ILDR2: variants seen among roughly 807,000 people sequenced by gnomAD.
ILDR2 encodes the protein immunoglobulin like domain containing receptor 2.
In ILDR2, 25 loss-of-function variants were observed where a neutral mutation model predicts 66.8. The ratio of observed to expected loss-of-function variants is 0.37; its 90% CI spans 0.27 to 0.52. The LOEUF is 0.52. Among genes scored for constraint, ILDR2 ranks in the 20% least tolerant of loss-of-function variants. The pLI, the probability that ILDR2 is intolerant of heterozygous loss-of-function variation, is 0.88. For missense variants in ILDR2, 827 were observed against 876.8 expected, an observed-to-expected ratio of 0.94 and a Z score of 0.72; for synonymous variants, 367 against 357.2, an observed-to-expected ratio of 1.03 and a Z score of -0.31.
chr1:166,970,279 CT>C (rs1663207468), intron 1 of ILDR2, among the ~76,000 whole-genome samples: 1 of 152,114 alleles, frequency 6.6e-6, no homozygotes, highest in East Asian at 1.9e-4. Context: ...AGGAAGAGCT[CT>C]TCCTTTCTAC....
Position 166,916,489 on chromosome 1 carries a change from T to C in ILDR2, c.*2866A>G, listed in dbSNP as rs181022292. On this transcript the variant is annotated 3_prime_UTR_variant, in exon 10 of 10. Coordinates refer to ENST00000271417, the MANE Select transcript of ILDR2 (RefSeq NM_199351.3). ...GTCTTACACAAGATTTACTTTGTAC[T>C]CCAATAAGACCTAGGAAAGAAGCTA... 2.4e-4 allele frequency: 36 copies of C among 152,356 alleles called. 1 individual carries two copies. The highest frequency in any genetic ancestry group is 8.2e-4 in the African/African-American group (34 of 41,588). 9.4% of individuals were successfully genotyped at this position (152,356 alleles called of 1,614,324 possible).
Position 166,935,469 on chromosome 1 carries a change from C to T in ILDR2, c.712G>A (p.Ala238Thr). 3.1e-6 allele frequency: 5 copies of T among 1,591,904 alleles called. No individual in the cohort carries two copies. The highest frequency in any genetic ancestry group is 3.4e-6 in the Non-Finnish European group (4 of 1,169,632). ...SCCCPQALYE[A>T]GKAAKAGYPP... ...TACCCGGCCTTTGCTGCTTTCCCTG[C>T]TTCATACACTGTGGAGGGAGATCAA... Residue 238 changes from alanine to threonine, a missense_variant, in exon 6 of 10, where the codon GCA becomes ACA. By Grantham distance (58) the Ala-to-Thr change is moderately conservative. Around this residue, in one of 2 missense-constraint regions of ILDR2, gnomAD observed 437 missense variants for 523.2 expected, o/e 0.84. Transcript: ENST00000271417.
At chr1:166,898,552 G>A (rs1324860602) in intron 2 of ILDR2, among the ~76,000 whole-genome samples, 2 of 152,188 alleles carry the variant, frequency 1.3e-5, no homozygotes, top group African/African-American at 4.8e-5. Context: ...GGTGTGTAAT[G>A]TAGCTTCTGC....
In ILDR2 at chr1:166,935,401, G is replaced by A. The variant is rs772250260; in HGVS notation, c.780C>T (p.Pro260=). 10 of 1,613,976 alleles carry A rather than the reference G, an allele frequency of 6.2e-6. No homozygotes were observed. The highest frequency in any genetic ancestry group is 4.4e-5 in the South Asian group (4 of 91,066). ...AGGGGGCTCCTCCCAAAGGGACAGA[G>A]GGGATGGAGTAAGGGCCGGGGACAC... ...VSGVPGPYSI[P]SVPLGGAPSS... Residue 260 remains proline (P), a synonymous_variant, in exon 6 of 10, where the codon CCC becomes CCT. Coordinates refer to ENST00000271417, the MANE Select transcript of ILDR2 (RefSeq NM_199351.3).
intron 1 of ILDR2, among the ~76,000 whole-genome samples, chr1:166,963,365 A>G (rs1203088359): frequency 6.6e-6 from 1 of 152,224 alleles, no homozygotes; most frequent in Non-Finnish European, 1.5e-5. Context: ...CACCTGTTTT[A>G]TAGACGAAGA....
chr1:166,970,063 T>G (rs1663191561), intron 1 of ILDR2, among the ~76,000 whole-genome samples: 1 of 152,130 alleles, frequency 6.6e-6, no homozygotes, highest in Non-Finnish European at 1.5e-5. Flanking sequence ...GTAAAAATAG[T>G]TGGAAGGGGT....
chr1:166,955,333 G>A lies in ILDR2; in HGVS notation c.499+1400C>T, dbSNP rs946633526. Among the ~76,000 whole-genome samples, 4 of 152,282 alleles carry A rather than the reference G, an allele frequency of 2.6e-5. No homozygotes were observed. The East Asian group carries it at 5.8e-4, about 22-fold the overall frequency. On this transcript the variant is annotated intron_variant, in intron 3 of 9. Coordinates refer to ENST00000271417, the MANE Select transcript of ILDR2 (RefSeq NM_199351.3). ...CAAAATATTATGAGGCTGGGTGGGC[G>A]AGGTGGCTCACACCTGTAATCCCAG...
chr1:166,909,759 A>AT lies in ILDR2; in HGVS notation c.*9595_*9596insA, dbSNP rs1557921277. 4.4e-3 allele frequency: 328 copies of AT among 75,280 alleles called. 1 individual carries two copies. The highest frequency in any genetic ancestry group is 0.014 in the African/African-American group (210 of 14,744). 4.7% of individuals were successfully genotyped at this position (75,280 alleles called of 1,614,324 possible). Reference sequence around the variant, plus strand: ...TACATATATATATATATATATATATAAATATATATAAATATATATATTTAT... The same window carrying AT: ...TACATATATATATATATATATATATATAATATATATAAATATATATATTTAT... On this transcript the variant is annotated 3_prime_UTR_variant, in exon 10 of 10. Transcript: ENST00000271417.
chr1:166,906,731 A>G (rs780935892), downstream of ILDR2, among the ~76,000 whole-genome samples: 5 of 152,182 alleles, frequency 3.3e-5, no homozygotes, highest in Non-Finnish European at 5.9e-5. Context: ...CTTAATTTCA[A>G]CTGAACCACT....
rs1645860630 is a variant in ILDR2 at position 166,936,184 on chromosome 1, A to G, written c.703+407T>C. On this transcript the variant is annotated intron_variant, in intron 5 of 9. Coordinates refer to ENST00000271417, the MANE Select transcript of ILDR2 (RefSeq NM_199351.3). The surrounding 1 kb of genome is among the most constrained non-coding windows in gnomAD (Gnocchi z 5.0). The stretch of plus-strand genomic sequence containing the variant: ...GGCTGGGTGGGTGCCCAAAGGCCAC[A>G]GTTTGCACACTCTTCTCATATAAAA... Among the ~76,000 whole-genome samples, 1 of 152,130 alleles carries G rather than the reference A, an allele frequency of 6.6e-6. No individual in the cohort carries two copies. The highest frequency in any genetic ancestry group is 2.4e-5 in the African/African-American group (1 of 41,422).
At chr1:166,897,784 C>A (rs145514097) in intron 2 of ILDR2, among the ~76,000 whole-genome samples, 99 of 152,348 alleles carry the variant, frequency 6.5e-4, no homozygotes, top group African/African-American at 2.2e-3. Context: ...TTCTATGCAT[C>A]TTTCTTTTGG....
chr1:166,956,948 G>A (rs1490410584), intron 2 of ILDR2, 96 bp from the exon 3 acceptor site: 41 of 1,252,612 alleles, frequency 3.3e-5, no homozygotes, highest in Non-Finnish European at 4.3e-5. Flanking sequence ...ACCTTCTGGG[G>A]TATCTGCAGT....
chr1:166,946,408 C>A (rs1661614533), intron 3 of ILDR2, among the ~76,000 whole-genome samples: 1 of 152,124 alleles, frequency 6.6e-6, no homozygotes, highest in Non-Finnish European at 1.5e-5. Flanking sequence ...AATTCTGAAA[C>A]CGAATTCTAT....
In ILDR2 at chr1:166,919,238, A is replaced by G; in HGVS notation, c.*117T>C. On this transcript the variant is annotated 3_prime_UTR_variant, in exon 10 of 10. Coordinates refer to ENST00000271417, the MANE Select transcript of ILDR2 (RefSeq NM_199351.3). ...GCCATCCCTTGCCAAAGCAGAGATCAGCAAATCTTCCAAGGTGATGGCCAG... is the reference window on the plus strand; with the variant it reads ...GCCATCCCTTGCCAAAGCAGAGATCGGCAAATCTTCCAAGGTGATGGCCAG... 1 of 967,494 alleles carries G rather than the reference A, an allele frequency of 1.0e-6. No homozygotes were observed. Among genetic ancestry groups the G allele is most frequent in the Non-Finnish European group, 1.6e-6 (1 of 620,734 alleles). The allele number at this position is 967,494 out of a possible 1,614,324, so 59.9% of individuals were successfully genotyped here. A position where few individuals can be genotyped will look rare whatever the true frequency, so the allele number is the denominator to read the frequency against.
rs1194911446 is a variant in ILDR2, at chr1:166,975,404, G to C, written c.-136C>G. Reference sequence around the variant, plus strand: ...GGCGTCCCTGGGCGCAGCGCCCGCCGGGCCGGCCGCGCAGGCGGGGCCGGG... The same window carrying C: ...GGCGTCCCTGGGCGCAGCGCCCGCCCGGCCGGCCGCGCAGGCGGGGCCGGG... On this transcript the variant is annotated 5_prime_UTR_variant, in exon 1 of 10. Coordinates refer to ENST00000271417, the MANE Select transcript of ILDR2 (RefSeq NM_199351.3). 8 of 297,916 alleles carry C rather than the reference G, an allele frequency of 2.7e-5. No individual in the cohort carries two copies. Among genetic ancestry groups the C allele is most frequent in the Non-Finnish European group, 4.0e-5 (8 of 202,322 alleles). 18.5% of individuals were successfully genotyped at this position (297,916 alleles called of 1,614,324 possible).
downstream of ILDR2, among the ~76,000 whole-genome samples, chr1:166,905,693 C>A (rs1571256328): frequency 1.3e-5 from 2 of 152,194 alleles, no homozygotes; most frequent in Non-Finnish European, 2.9e-5. Context: ...GATAAAAACA[C>A]ATACAAACAG....
At chr1:166,920,365 T>C (rs753720682) in intron 9 of ILDR2, among the ~76,000 whole-genome samples, 11 of 152,032 alleles carry the variant, frequency 7.2e-5, no homozygotes, top group Non-Finnish European at 1.5e-4. Context: ...TAAAGGCCGG[T>C]GGTGGTGATG....
chr1:166,967,685 G>C (rs1003699696), intron 1 of ILDR2, among the ~76,000 whole-genome samples: 1 of 152,170 alleles, frequency 6.6e-6, no homozygotes, highest in South Asian at 2.1e-4. Flanking sequence ...TGATCTGGGA[G>C]GCAGAGGCTG....
intron 2 of ILDR2, among the ~76,000 whole-genome samples, chr1:166,902,431 A>C (rs1435074206): frequency 6.6e-6 from 1 of 152,180 alleles, no homozygotes; most frequent in Admixed American, 6.5e-5. Flanking sequence ...TATTCATCTA[A>C]GCCAATCAGA....
Sources: allele counts gnomAD v4.1 joint callset (sites outside exome capture counted in the v4.1 genomes callset), GRCh38; gene constraint gnomAD v4.1.1; regional missense constraint gnomAD v4.1.1; non-coding constraint Gnocchi (gnomAD v3.1); transcripts MANE v1.5; gene names NCBI Gene and HGNC (gene_info 2026-07-23, HGNC 2026-07-21).